Variants in INSC observed in about 807,000 individuals in gnomAD.
The protein encoded by INSC is INSC spindle orientation adaptor protein, also known as protein inscuteable homolog.
INSC carries 67 observed loss-of-function variants against 58.6 expected under a neutral mutation model. That is an observed-to-expected ratio of 1.14 (90% CI 0.94 to 1.40). INSC has a LOEUF of 1.40. INSC is among the 40% of genes most tolerant of loss of function. The probability of loss-of-function intolerance (pLI) is 0.00; values close to 1 mark genes in which losing one functional copy is unlikely to be tolerated. For missense variants in INSC, 714 were observed against 692.0 expected (o/e 1.03, Z -0.36); for synonymous variants, 262 against 276.1 (o/e 0.95, Z 0.51).
intron 1 of INSC, among the ~76,000 whole-genome samples, chr11:15,147,955 T>C (rs564588993): frequency 2.0e-4 from 31 of 152,334 alleles, no homozygotes; most frequent in African/African-American, 7.0e-4. Flanking sequence ...GGTGACAGAA[T>C]CTGCATATTC....
chr11:15,168,182 T>A (rs973032906), intron 2 of INSC, among the ~76,000 whole-genome samples: 2 of 152,196 alleles, frequency 1.3e-5, no homozygotes, highest in African/African-American at 4.8e-5. Flanking sequence ...GGTAAACGTG[T>A]GCCATGGTGG....
chr11:15,261,179 T>C, the INSC span, among the ~76,000 whole-genome samples: 1 of 152,174 alleles, frequency 6.6e-6, no homozygotes, highest in Non-Finnish European at 1.5e-5. Flanking sequence ...GACAAGTTCC[T>C]CAACTTCCTT....
chr11:15,124,235 G>C (rs1267686836), intron 1 of INSC, among the ~76,000 whole-genome samples: 1 of 152,186 alleles, frequency 6.6e-6, no homozygotes, highest in Non-Finnish European at 1.5e-5. Context: ...TCCCAGGTGA[G>C]GAGACTGTCA....
At chr11:15,216,085 G>A (rs1352624129) in intron 7 of INSC, among the ~76,000 whole-genome samples, 1 of 152,174 alleles carries the variant, frequency 6.6e-6, no homozygotes, top group African/African-American at 2.4e-5. Context: ...AGGCAACTTG[G>A]GTTTGGGTGC....
chr11:15,154,211 A>G (rs991980249), intron 2 of INSC, among the ~76,000 whole-genome samples: 1 of 152,220 alleles, frequency 6.6e-6, no homozygotes, highest in Non-Finnish European at 1.5e-5. Context: ...GATCTCAATA[A>G]GTGATTGTTG....
intron 7 of INSC, among the ~76,000 whole-genome samples, chr11:15,220,311 C>A (rs1851388936): frequency 6.6e-6 from 1 of 152,170 alleles, no homozygotes. Flanking sequence ...CCTCCCACTC[C>A]CAACCCGAGA....
intron 5 of INSC, among the ~76,000 whole-genome samples, chr11:15,187,903 G>A (rs1850031420): frequency 6.6e-6 from 1 of 152,162 alleles, no homozygotes; most frequent in Admixed American, 6.5e-5. Context: ...TAGAGACTGT[G>A]TCAGTTTGAG....
intron 9 of INSC, among the ~76,000 whole-genome samples, chr11:15,229,946 TATTATATATATA>T: frequency 8.0e-5 from 1 of 12,562 alleles, no homozygotes; most frequent in Non-Finnish European, 1.5e-4. Context: ...ATATATATAA[TATTATATATATA>T]TTTATATATA....
intron 1 of INSC, among the ~76,000 whole-genome samples, chr11:15,137,536 C>A (rs1457850483): frequency 6.6e-6 from 1 of 152,242 alleles, no homozygotes; most frequent in Non-Finnish European, 1.5e-5. Flanking sequence ...TGCTGCACTT[C>A]TCCATCAGCA....
the INSC span, among the ~76,000 whole-genome samples, chr11:15,269,100 C>A: frequency 6.6e-6 from 1 of 151,842 alleles, no homozygotes; most frequent in Non-Finnish European, 1.5e-5. Flanking sequence ...AACAATGTTA[C>A]CCTACTCAGT....
chr11:15,212,108 GT>G (rs902773150), intron 7 of INSC, among the ~76,000 whole-genome samples: 3 of 148,896 alleles, frequency 2.0e-5, no homozygotes, highest in Non-Finnish European at 3.0e-5. Flanking sequence ...AATTGACATA[GT>G]TTTTTTTTTG....
chr11:15,210,505 TTGTGTG>T lies in INSC; in HGVS notation c.819+9593_819+9598del, dbSNP rs56375160. 4.3e-3 allele frequency among the ~76,000 whole-genome samples: 589 copies of T among 135,468 alleles called. 2 individuals are homozygous for T. The highest frequency in any genetic ancestry group is 0.01 in the African/African-American group (362 of 35,564). 88.9% of individuals were successfully genotyped at this position (135,468 alleles called of 152,430 possible). On this transcript the variant is annotated intron_variant, in intron 7 of 12. Transcript: ENST00000379556. ...TAGATGGAGCTCTGCATTTGAGAGT[TTGTGTG>T]TGTGTGTGTGTGTGTGTGTGTGTGT...
intron 6 of INSC, among the ~76,000 whole-genome samples, chr11:15,196,099 ATG>A: frequency 6.6e-6 from 1 of 152,224 alleles, no homozygotes; most frequent in Non-Finnish European, 1.5e-5. Context: ...CTCAAGAGCC[ATG>A]ACCAGGAGTT....
chr11:15,210,222 A>G (rs1850965654), intron 7 of INSC, among the ~76,000 whole-genome samples: 2 of 152,228 alleles, frequency 1.3e-5, no homozygotes, highest in African/African-American at 4.8e-5. Flanking sequence ...AAGTGACCAC[A>G]GGGAAGTTTT....
At chr11:15,166,460 A>G (rs1385407898) in intron 2 of INSC, among the ~76,000 whole-genome samples, 5 of 152,100 alleles carry the variant, frequency 3.3e-5, no homozygotes, top group African/African-American at 7.2e-5. Context: ...AACTTTTACC[A>G]CAGGGCTGGG....
chr11:15,179,281 T>A (rs368658713), intron 5 of INSC, among the ~76,000 whole-genome samples: 95 of 152,378 alleles, frequency 6.2e-4, no homozygotes, highest in African/African-American at 2.2e-3. Flanking sequence ...TTTGCTATTT[T>A]AAAAACCTCC....
chr11:15,258,408 C>T, the INSC span, among the ~76,000 whole-genome samples: 28 of 152,176 alleles, frequency 1.8e-4, no homozygotes, highest in Admixed American at 1.8e-3. Context: ...CCACTTTATT[C>T]ACTTGTCTCA....
At chr11:15,219,839 T>A (rs1008513702) in intron 7 of INSC, among the ~76,000 whole-genome samples, 2 of 152,182 alleles carry the variant, frequency 1.3e-5, no homozygotes, top group African/African-American at 2.4e-5. Flanking sequence ...TTTCTTATGT[T>A]GGCAATAGGG....
chr11:15,261,898 C>G, the INSC span, among the ~76,000 whole-genome samples: 1 of 152,054 alleles, frequency 6.6e-6, no homozygotes, highest in Non-Finnish European at 1.5e-5. Context: ...GATTTAGGTT[C>G]ACGTAATGGA....
Sources: allele counts gnomAD v4.1 joint callset (sites outside exome capture counted in the v4.1 genomes callset), GRCh38; gene constraint gnomAD v4.1.1; transcripts MANE v1.5; gene names NCBI Gene and HGNC (gene_info 2026-07-23, HGNC 2026-07-21).